ATP10B: variants seen among roughly 807,000 people sequenced by gnomAD.
The protein encoded by ATP10B is ATPase phospholipid transporting 10B (putative).
In ATP10B, 122 loss-of-function variants were observed where a neutral mutation model predicts 141.2. That is an observed-to-expected ratio of 0.86 (90% CI 0.75 to 1.00). The LOEUF (loss-of-function observed/expected upper bound fraction) is 1.00. Among genes scored for constraint, ATP10B ranks in the 50% least tolerant of loss-of-function variants. The pLI is 0.00. For synonymous variants in ATP10B, 685 were observed against 692.0 expected, an observed-to-expected ratio of 0.99 and a Z score of 0.16; for missense variants, 1,876 against 1,825.3, an observed-to-expected ratio of 1.03 and a Z score of -0.51.
the ATP10B span, among the ~76,000 whole-genome samples, chr5:160,867,794 T>A: frequency 6.6e-6 from 1 of 152,112 alleles, no homozygotes; most frequent in Admixed American, 6.6e-5. Flanking sequence ...TGGGAAGAAA[T>A]CATTGATTGG....
intron 2 of ATP10B, among the ~76,000 whole-genome samples, chr5:160,745,401 T>C (rs1171394588): frequency 1.3e-5 from 2 of 152,236 alleles, no homozygotes; most frequent in Non-Finnish European, 2.9e-5. Flanking sequence ...AACTCCATGA[T>C]GCAATTTTAG....
At chr5:160,859,837 T>C in the ATP10B span, among the ~76,000 whole-genome samples, 892 of 151,988 alleles carry the variant, frequency 5.9e-3, 12 homozygotes, top group African/African-American at 0.02. Flanking sequence ...TTGTGCAGGG[T>C]AACTCCATTT....
chr5:160,803,537 G>A (rs6874769), intron 1 of ATP10B, among the ~76,000 whole-genome samples: 26,639 of 151,978 alleles, frequency 0.18, 2,570 homozygotes, highest in East Asian at 0.37. Flanking sequence ...TTAGCCGGGC[G>A]TGGTGGTGCA....
chr5:160,644,270 G>T, intron 8 of ATP10B, 26 bp from the exon 9 acceptor site: 2 of 1,584,712 alleles, frequency 1.3e-6, no homozygotes, highest in South Asian at 1.1e-5. Context: ...AAAAGACAGG[G>T]GGTGGTTTGG....
chr5:160,926,629 G>C, the ATP10B span, among the ~76,000 whole-genome samples: 1 of 152,204 alleles, frequency 6.6e-6, no homozygotes, highest in Non-Finnish European at 1.5e-5. Flanking sequence ...AGTGCAATAA[G>C]GGACCCATAA....
chr5:160,705,172 A>G (rs1244038949), intron 3 of ATP10B, among the ~76,000 whole-genome samples: 1 of 151,554 alleles, frequency 6.6e-6, no homozygotes, highest in Non-Finnish European at 1.5e-5. Context: ...CCAGCCTCGG[A>G]CTCCCAAAGT....
At chr5:160,690,790 G>A (rs945816977) in intron 3 of ATP10B, among the ~76,000 whole-genome samples, 1 of 152,140 alleles carries the variant, frequency 6.6e-6, no homozygotes, top group African/African-American at 2.4e-5. Context: ...TTGTGGAAGA[G>A]AGTGTGGTGA....
rs548625785 is a variant in ATP10B, at chr5:160,620,381, C to T, written c.2382G>A (p.Ser794=). 6.1e-5 allele frequency: 98 copies of T among 1,613,040 alleles called. No homozygotes were observed. The highest frequency in any genetic ancestry group is 3.3e-4 in the East Asian group (15 of 44,880). The change falls in exon 15 of 26, where the codon TCG becomes TCA. Residue 794 remains serine (S), a synonymous_variant. Coordinates refer to ENST00000327245, the MANE Select transcript of ATP10B (RefSeq NM_025153.3). ...GGTCTTCCAGCAGGTCCATGATGAC[C>T]GAGTCAGCACCCTTGGTGTAGACAA... is the stretch of plus-strand genomic sequence containing the variant. ...EIVVYTKGAD[S]VIMDLLEDPA... is the part of the protein sequence containing the mutation.
At chr5:160,669,613 T>C (rs1762543814) in intron 7 of ATP10B, among the ~76,000 whole-genome samples, 1 of 144,358 alleles carries the variant, frequency 6.9e-6, no homozygotes, top group Non-Finnish European at 1.5e-5. Context: ...TCTCTCTTTT[T>C]TTTTTTTTTT....
chr5:160,907,900 C>T, the ATP10B span, among the ~76,000 whole-genome samples: 1 of 152,170 alleles, frequency 6.6e-6, no homozygotes, highest in East Asian at 1.9e-4. Context: ...CCAGGCTGAG[C>T]AGCTAAAAGC....
chr5:160,860,464 G>A, the ATP10B span, among the ~76,000 whole-genome samples: 1 of 151,750 alleles, frequency 6.6e-6, no homozygotes, highest in Admixed American at 6.6e-5. Context: ...CTAGATACAT[G>A]TAAAGCAAAT....
In ATP10B at chr5:160,620,912, G is replaced by T; in HGVS notation, c.1851C>A (p.Ser617=). The change falls in exon 15 of 26, where the codon TCC becomes TCA. Residue 617 remains serine, a synonymous_variant. Coordinates refer to ENST00000327245, the MANE Select transcript of ATP10B (RefSeq NM_025153.3). The part of the protein sequence containing the change: ...IKPSSKALGT[S]LEKIQQLFQK... ...GGAAGAGCTGCTGAATCTTCTCCAG[G>T]GACGTCCCCAGAGCCTTGCTTGAGG... 18 of 1,614,140 alleles carry T rather than the reference G, an allele frequency of 1.1e-5. No homozygotes were observed. Among genetic ancestry groups the T allele is most frequent in the Non-Finnish European group, 1.5e-5 (18 of 1,180,014 alleles).
chr5:160,919,383 CAT>C, the ATP10B span, among the ~76,000 whole-genome samples: 5 of 152,030 alleles, frequency 3.3e-5, no homozygotes, highest in Non-Finnish European at 7.4e-5. Flanking sequence ...AGACTTGGCC[CAT>C]AGTCTTGGAA....
intron 7 of ATP10B, among the ~76,000 whole-genome samples, chr5:160,664,451 T>C (rs148068006): frequency 7.9e-5 from 12 of 152,296 alleles, no homozygotes; most frequent in South Asian, 6.2e-4. Flanking sequence ...GCACTAACCA[T>C]TGGTGGCATG....
chr5:160,660,911 G>T (rs563706011), intron 7 of ATP10B, among the ~76,000 whole-genome samples: 3 of 152,354 alleles, frequency 2.0e-5, no homozygotes, highest in African/African-American at 7.2e-5. Flanking sequence ...CAGGGGCTGG[G>T]TGCAGTGGCT....
intron 1 of ATP10B, among the ~76,000 whole-genome samples, chr5:160,820,710 A>G (rs916670840): frequency 5.9e-5 from 9 of 152,168 alleles, no homozygotes; most frequent in Admixed American, 2.0e-4. Flanking sequence ...AGTGAGATTT[A>G]CCCCTGGGAT....
chr5:160,747,182 T>G (rs1455705774), intron 2 of ATP10B, among the ~76,000 whole-genome samples: 1 of 152,222 alleles, frequency 6.6e-6, no homozygotes, highest in Non-Finnish European at 1.5e-5. Context: ...GTCCCAATGA[T>G]TCCAGGCTAA....
At chr5:160,806,825 T>C (rs1191554739) in intron 1 of ATP10B, among the ~76,000 whole-genome samples, 2 of 152,262 alleles carry the variant, frequency 1.3e-5, no homozygotes, top group Non-Finnish European at 1.5e-5. Context: ...GGGAAATATG[T>C]ATTCTTGACC....
chr5:160,576,997 A>G (rs1049432661), intron 24 of ATP10B, among the ~76,000 whole-genome samples: 2 of 152,126 alleles, frequency 1.3e-5, no homozygotes, highest in Non-Finnish European at 2.9e-5. Flanking sequence ...AAGTCCAAAC[A>G]CCTCAGCTGG....
Sources: allele counts gnomAD v4.1 joint callset (sites outside exome capture counted in the v4.1 genomes callset), GRCh38; gene constraint gnomAD v4.1.1; transcripts MANE v1.5; gene names NCBI Gene and HGNC (gene_info 2026-07-23, HGNC 2026-07-21).